CRACD: variants seen among roughly 807,000 people sequenced by gnomAD.
The protein encoded by CRACD is capping protein inhibiting regulator of actin dynamics.
CRACD carries 56 observed loss-of-function variants against 106.8 expected under a neutral mutation model. That is an observed-to-expected ratio of 0.52 (90% CI 0.42 to 0.66). The LOEUF (loss-of-function observed/expected upper bound fraction) is 0.66, where lower values mean the gene tolerates loss of function less well. CRACD is among the 30% of genes least tolerant of loss of function. The pLI, the probability that CRACD is intolerant of heterozygous loss-of-function variation, is 0.00. For missense variants in CRACD, 1,730 were observed against 1,623.2 expected (o/e 1.07, Z -1.13); for synonymous variants, 754 against 670.8 (o/e 1.12, Z -1.92).
chr4:56,315,706 C>T lies in CRACD; in HGVS notation c.2204C>T (p.Thr735Ile). ...AAATTTTCCGATGGTGGCACGGAGA[C>T]CTCCAAACAGAGCACGGAAGCTGAA... ...WQKFSDGGTE[T>I]SKQSTEAESI... The change falls in exon 8 of 11, where the codon ACC (threonine) becomes ATC (isoleucine). Residue 735 changes from threonine (T) to isoleucine (I), a missense_variant. Physicochemically the swap from Thr to Ile is moderately conservative, Grantham distance 89. This residue lies in a region of CRACD where 1,620 missense variants were observed against 1,481.6 expected (regional missense o/e 1.09). Coordinates refer to ENST00000682029, the MANE Select transcript of CRACD (RefSeq NM_001393381.1). This position sits in a 1 kb window ranked among gnomAD's most constrained non-coding sequence, Gnocchi z 4.1. 5 of 1,614,176 alleles carry T rather than the reference C, an allele frequency of 3.1e-6. No homozygotes were observed. Among genetic ancestry groups the T allele is most frequent in the Non-Finnish European group, 4.2e-6 (5 of 1,180,040 alleles).
chr4:56,156,843 G>T (rs1355101368), intron 1 of CRACD, among the ~76,000 whole-genome samples: 3 of 152,184 alleles, frequency 2.0e-5, no homozygotes, highest in East Asian at 1.9e-4. Context: ...TATTGTGAGG[G>T]TTACATGAAT....
intron 1 of CRACD, among the ~76,000 whole-genome samples, chr4:56,152,216 A>G (rs974204140): frequency 1.3e-5 from 2 of 150,108 alleles, no homozygotes; most frequent in Non-Finnish European, 3.0e-5. Flanking sequence ...ACGGGGTTTC[A>G]CTGTGTTAGC....
rs140017612 is a variant in CRACD, at chr4:56,247,912, G to A, written c.-188-24409G>A. On this transcript the variant is annotated intron_variant, in intron 2 of 10. Coordinates refer to ENST00000682029, the MANE Select transcript of CRACD (RefSeq NM_001393381.1). ...GAAGCCTGGGAGTGGACTTTGCATGGGATGCGTCATACTTACAGTACTCCA... is the reference window on the plus strand; with the variant it reads ...GAAGCCTGGGAGTGGACTTTGCATGAGATGCGTCATACTTACAGTACTCCA... Among the ~76,000 whole-genome samples, 328 of 152,052 alleles carry A rather than the reference G, an allele frequency of 2.2e-3. 1 individual carries two copies. The highest frequency in any genetic ancestry group is 6.7e-3 in the African/African-American group (278 of 41,478).
intron 2 of CRACD, among the ~76,000 whole-genome samples, chr4:56,232,202 T>C (rs1739663931): frequency 6.6e-6 from 1 of 152,198 alleles, no homozygotes; most frequent in Non-Finnish European, 1.5e-5. Flanking sequence ...TAGAATTTTA[T>C]ATAATGGTAT....
At chr4:56,200,072 C>T (rs1287890619) in intron 2 of CRACD, among the ~76,000 whole-genome samples, 2 of 149,680 alleles carry the variant, frequency 1.3e-5, no homozygotes, top group Admixed American at 6.8e-5. Context: ...ACAGTTTCAC[C>T]TTTATGTTGG....
chr4:56,233,765 T>C (rs970777268), intron 2 of CRACD, among the ~76,000 whole-genome samples: 8 of 152,214 alleles, frequency 5.3e-5, no homozygotes, highest in African/African-American at 1.9e-4. Context: ...TGGGATTGTG[T>C]TGAATCTATA....
chr4:56,183,995 A>G (rs1736973429), intron 2 of CRACD, among the ~76,000 whole-genome samples: 2 of 151,972 alleles, frequency 1.3e-5, no homozygotes, highest in Admixed American at 6.6e-5. Flanking sequence ...ATTGCTTTGG[A>G]TCTTCATCTT....
intron 2 of CRACD, among the ~76,000 whole-genome samples, chr4:56,269,745 C>T (rs908346663): frequency 2.6e-5 from 4 of 151,684 alleles, no homozygotes; most frequent in African/African-American, 9.7e-5. Flanking sequence ...TTGTAAGTTC[C>T]ACACTTTTAA....
Position 56,314,416 on chromosome 4 carries a change from G to GGAGGGAGCGGAGGGAGCA in CRACD, c.923_924insGAGGGAGCAGAGGGAGCG (p.Arg308_Glu309insArgGluGlnArgGluArg). 6.5e-7 allele frequency: 1 copy of GGAGGGAGCGGAGGGAGCA among 1,545,104 alleles called. No individual in the cohort carries two copies. Among genetic ancestry groups the GGAGGGAGCGGAGGGAGCA allele is most frequent in the Non-Finnish European group, 8.7e-7 (1 of 1,144,764 alleles). On this transcript the variant is annotated inframe_insertion, in exon 8 of 11. Coordinates refer to ENST00000682029, the MANE Select transcript of CRACD (RefSeq NM_001393381.1). This position sits in a 1 kb window ranked among gnomAD's most constrained non-coding sequence, Gnocchi z 4.4. ...GCGCCAGGTTGGGAGGACGCGGAGCGGAGGGAGCGTGAGGAGCGCGAGCGC... is the reference window on the plus strand; with the variant it reads ...GCGCCAGGTTGGGAGGACGCGGAGCGGAGGGAGCGGAGGGAGCAGAGGGAGCGTGAGGAGCGCGAGCGC...
chr4:56,223,185 A>G (rs1739138114), intron 2 of CRACD, among the ~76,000 whole-genome samples: 2 of 150,968 alleles, frequency 1.3e-5, no homozygotes, highest in Non-Finnish European at 2.9e-5. Context: ...TTTTTAAACC[A>G]CAGGTTCATC....
intron 1 of CRACD, among the ~76,000 whole-genome samples, chr4:56,142,093 A>G (rs1012559210): frequency 5.3e-5 from 8 of 152,234 alleles, no homozygotes; most frequent in South Asian, 2.1e-4. Flanking sequence ...TTAAAAAACC[A>G]CACAGTTTCT....
At chr4:56,237,909 T>C (rs1401285618) in intron 2 of CRACD, among the ~76,000 whole-genome samples, 1 of 150,376 alleles carries the variant, frequency 6.6e-6, no homozygotes, top group Admixed American at 6.8e-5. Context: ...ATTATAAATA[T>C]TATATTTATA....
intron 1 of CRACD, among the ~76,000 whole-genome samples, chr4:56,069,218 C>A (rs1348802006): frequency 6.6e-6 from 1 of 152,186 alleles, no homozygotes; most frequent in Non-Finnish European, 1.5e-5. Flanking sequence ...TTGTTTAAGC[C>A]ACCCAGTTTG....
In CRACD at chr4:56,155,294, G is replaced by A. The variant is rs558681123; in HGVS notation, c.-335-23990G>A. The stretch of plus-strand genomic sequence containing the variant: ...CCTAAAACTTCTGCTTTGACATTGC[G>A]TATTTCATGTTTTCTTACATGCTGT... On this transcript the variant is annotated intron_variant, in intron 1 of 10. Coordinates refer to ENST00000682029, the MANE Select transcript of CRACD (RefSeq NM_001393381.1). 3.9e-5 allele frequency among the ~76,000 whole-genome samples: 6 copies of A among 152,154 alleles called. No individual in the cohort carries two copies. In the East Asian group the frequency reaches 5.8e-4, roughly 15 times the overall value.
At position 56,324,096 on chromosome 4, in the gene CRACD, C is replaced by T. The variant is rs769750656; in HGVS notation, c.3379-8C>T. ...ACATGTTTCCCATGACTGTCTCTGC[C>T]CACGCAGGTCAGTGTCAGCGTGCAG... On this transcript the variant is annotated splice_region_variant and splice_polypyrimidine_tract_variant and intron_variant, in intron 9 of 10. Transcript: ENST00000682029. 1.2e-6 allele frequency: 2 copies of T among 1,600,794 alleles called. No homozygotes were observed. The highest frequency in any genetic ancestry group is 1.7e-6 in the Non-Finnish European group (2 of 1,172,588).
At position 56,116,905 on chromosome 4, in the gene CRACD, G is replaced by T. The variant is rs538110660; in HGVS notation, c.-335-62379G>T. 1.1e-3 allele frequency among the ~76,000 whole-genome samples: 162 copies of T among 151,200 alleles called. 3 individuals are homozygous for T. In the South Asian group the frequency reaches 0.02, roughly 19 times the overall value. ...GTATTTTTGGTAGAGACAGGGTTTCGCCATGTTGGCCCGGCTGGTCTCGAA... is the reference window on the plus strand; with the variant it reads ...GTATTTTTGGTAGAGACAGGGTTTCTCCATGTTGGCCCGGCTGGTCTCGAA... On this transcript the variant is annotated intron_variant, in intron 1 of 10. Transcript: ENST00000682029.
chr4:56,146,450 G>A (rs1560463878), intron 1 of CRACD, among the ~76,000 whole-genome samples: 1 of 149,294 alleles, frequency 6.7e-6, no homozygotes, highest in Non-Finnish European at 1.5e-5. Context: ...TTAAGTTTTA[G>A]GGTACATGTG....
chr4:56,181,958 G>A (rs781133378), intron 2 of CRACD, among the ~76,000 whole-genome samples: 3 of 151,990 alleles, frequency 2.0e-5, no homozygotes, highest in Admixed American at 2.0e-4. Flanking sequence ...TACTTTTTGG[G>A]GGATACAATT....
chr4:56,315,951 A>G lies in CRACD; in HGVS notation c.2449A>G (p.Thr817Ala). 2 of 1,614,204 alleles carry G rather than the reference A, an allele frequency of 1.2e-6. No homozygotes were observed. Among genetic ancestry groups the G allele is most frequent in the Non-Finnish European group, 1.7e-6 (2 of 1,180,034 alleles). ...GAAAGTGGTGGCCCACACAGAGTTCACGACCTCGTCGGACAGCGAGACTGC... is the reference window on the plus strand; with the variant it reads ...GAAAGTGGTGGCCCACACAGAGTTCGCGACCTCGTCGGACAGCGAGACTGC... ...PQKVVAHTEF[T>A]TSSDSETANG... The change falls in exon 8 of 11, where the codon ACG (threonine) becomes GCG (alanine). Residue 817 changes from threonine to alanine, a missense_variant. Coordinates refer to ENST00000682029, the MANE Select transcript of CRACD (RefSeq NM_001393381.1). This position sits in a 1 kb window ranked among gnomAD's most constrained non-coding sequence, Gnocchi z 4.1.
Sources: allele counts gnomAD v4.1 joint callset (sites outside exome capture counted in the v4.1 genomes callset), GRCh38; gene constraint gnomAD v4.1.1; regional missense constraint gnomAD v4.1.1; non-coding constraint Gnocchi (gnomAD v3.1); transcripts MANE v1.5; gene names NCBI Gene and HGNC (gene_info 2026-07-23, HGNC 2026-07-21).